Variants in BLTP1 observed in about 807,000 individuals in gnomAD.
The protein encoded by BLTP1 is fragile site-associated protein.
At chr4:122,165,169 C>T in the BLTP1 span, among the ~76,000 whole-genome samples, 1 of 152,008 alleles carries the variant, frequency 6.6e-6, no homozygotes, top group Middle Eastern at 3.4e-3. Flanking sequence ...GTGCTGCACC[C>T]ATTAACTCAT....
At chr4:122,274,990 C>G in the BLTP1 span, among the ~76,000 whole-genome samples, 1 of 151,672 alleles carries the variant, frequency 6.6e-6, no homozygotes, top group East Asian at 1.9e-4. Context: ...GCAACTCAGA[C>G]AGGGCCCATT....
At chr4:122,157,064 G>A in the BLTP1 span, among the ~76,000 whole-genome samples, 1 of 152,258 alleles carries the variant, frequency 6.6e-6, no homozygotes, top group Non-Finnish European at 1.5e-5. Flanking sequence ...GTAGGGAGGA[G>A]GAGGAGAGTG....
At chr4:122,195,013 T>C in the BLTP1 span, among the ~76,000 whole-genome samples, 3 of 152,228 alleles carry the variant, frequency 2.0e-5, no homozygotes, top group African/African-American at 7.2e-5. Context: ...TATGCAGCCG[T>C]TTCCTCTTCT....
the BLTP1 span, among the ~76,000 whole-genome samples, chr4:122,213,778 A>G: frequency 6.6e-6 from 1 of 152,166 alleles, no homozygotes; most frequent in Non-Finnish European, 1.5e-5. Context: ...TGTAGACAAT[A>G]TTGTAATTCT....
chr4:122,354,434 C>A, the BLTP1 span, among the ~76,000 whole-genome samples: 1 of 149,784 alleles, frequency 6.7e-6, no homozygotes, highest in South Asian at 2.1e-4. Flanking sequence ...CAAATATTAT[C>A]ATTCTATCAA....
the BLTP1 span, chr4:122,232,269 A>G: frequency 1.2e-5 from 4 of 320,284 alleles, no homozygotes; most frequent in Non-Finnish European, 1.8e-5. Flanking sequence ...CCAAAGCGGT[A>G]GCCAGTCATG....
chr4:122,261,165 A>G, the BLTP1 span: 1 of 406,752 alleles, frequency 2.5e-6, no homozygotes, highest in Admixed American at 6.4e-5. Flanking sequence ...TAAAACATTC[A>G]ATGATAGTTT....
At chr4:122,267,048 GTAATT>G in the BLTP1 span, 1 of 231,612 alleles carries the variant, frequency 4.3e-6, no homozygotes, top group Non-Finnish European at 7.8e-6. Context: ...AAATAAGGAA[GTAATT>G]TTTTTTTTTT....
At chr4:122,283,752 C>T in the BLTP1 span, among the ~76,000 whole-genome samples, 2 of 152,104 alleles carry the variant, frequency 1.3e-5, no homozygotes, top group Admixed American at 1.3e-4. Context: ...TCAAGCGATC[C>T]GCCTGCCTTG....
chr4:122,180,060 A>C, the BLTP1 span: 1 of 983,944 alleles, frequency 1.0e-6, no homozygotes, highest in African/African-American at 1.7e-5. Flanking sequence ...ACACACACAC[A>C]CACACACACA....
chr4:122,294,361 C>T, the BLTP1 span, among the ~76,000 whole-genome samples: 1 of 152,190 alleles, frequency 6.6e-6, no homozygotes, highest in East Asian at 1.9e-4. Flanking sequence ...TTCGGTCCAG[C>T]ATTAGGTCGG....
the BLTP1 span, among the ~76,000 whole-genome samples, chr4:122,322,598 A>G: frequency 6.6e-6 from 1 of 152,112 alleles, no homozygotes; most frequent in Admixed American, 6.6e-5. Flanking sequence ...GCCAGACATG[A>G]TTTACCAAGT....
At chr4:122,336,768 A>G in the BLTP1 span, 1 of 1,293,792 alleles carries the variant, frequency 7.7e-7, no homozygotes, top group Non-Finnish European at 1.0e-6. Flanking sequence ...ACAGAAGCAA[A>G]TGTTTCCGGG....
chr4:122,341,775 A>G, the BLTP1 span: 2 of 985,314 alleles, frequency 2.0e-6, no homozygotes, highest in African/African-American at 1.7e-5. Context: ...GATGTGGTCC[A>G]TACTTACTAA....
the BLTP1 span, among the ~76,000 whole-genome samples, chr4:122,323,993 T>G: frequency 1.3e-5 from 2 of 152,020 alleles, no homozygotes; most frequent in Non-Finnish European, 2.9e-5. Flanking sequence ...TCATTAACAC[T>G]CTTACTTTCC....
chr4:122,222,977 T>A, the BLTP1 span: 1 of 959,304 alleles, frequency 1.0e-6, no homozygotes, highest in African/African-American at 1.8e-5. Flanking sequence ...AATTTTGAGA[T>A]TAAAAAATTT....
the BLTP1 span, among the ~76,000 whole-genome samples, chr4:122,212,975 C>G: frequency 1.4e-4 from 22 of 152,098 alleles, no homozygotes; most frequent in African/African-American, 5.3e-4. Context: ...TTTGTCTAGC[C>G]CAATGAACGC....
At chr4:122,198,170 T>G in the BLTP1 span, 1 of 980,064 alleles carries the variant, frequency 1.0e-6, no homozygotes, top group Non-Finnish European at 1.2e-6. Flanking sequence ...GCTTAGATAA[T>G]CAATTGAAAA....
the BLTP1 span, chr4:122,263,733 GCCTTT>G: frequency 3.5e-6 from 2 of 566,066 alleles, no homozygotes; most frequent in Non-Finnish European, 3.0e-6. Context: ...ATTTTTAAAT[GCCTTT>G]GATAATATTG....
Sources: allele counts gnomAD v4.1 joint callset (sites outside exome capture counted in the v4.1 genomes callset), GRCh38; gene constraint gnomAD v4.1.1; transcripts MANE v1.5; gene names NCBI Gene and HGNC (gene_info 2026-07-23, HGNC 2026-07-21).